SEMA5A: variants seen among roughly 807,000 people sequenced by gnomAD.
SEMA5A encodes the protein semaphorin-5A.
SEMA5A carries 55 observed loss-of-function variants against 135.5 expected under a neutral mutation model. The ratio of observed to expected loss-of-function variants is 0.41; its 90% CI spans 0.33 to 0.51. SEMA5A has a LOEUF of 0.51. Among genes scored for constraint, SEMA5A ranks in the 20% least tolerant of loss-of-function variants. SEMA5A has a pLI of 0.37. For missense variants in SEMA5A, 1,290 were observed against 1,419.9 expected (o/e 0.91, Z 1.47); for synonymous variants, 580 against 546.5 (o/e 1.06, Z -0.85).
chr5:9,514,269 C>A (rs1273192230), intron 1 of SEMA5A, among the ~76,000 whole-genome samples: 2 of 152,164 alleles, frequency 1.3e-5, no homozygotes, highest in African/African-American at 2.4e-5. Flanking sequence ...ATGGACAATG[C>A]AGAATAATCT....
rs114855794 is a variant in SEMA5A, at chr5:9,150,350, A to G, written c.1481+4138T>C. Among the ~76,000 whole-genome samples, 330 of 152,332 alleles carry G rather than the reference A, an allele frequency of 2.2e-3. 1 individual carries two copies. Among genetic ancestry groups the G allele is most frequent in the African/African-American group, 7.6e-3 (316 of 41,566 alleles). On this transcript the variant is annotated intron_variant, in intron 12 of 22. Transcript: ENST00000382496. ...ATGTGGTCAATAAGGCCTAAAATGA[A>G]AAAGGATATGCATGAATAGTGCAGT...
At chr5:9,214,400 G>A (rs1391693337) in intron 8 of SEMA5A, among the ~76,000 whole-genome samples, 1 of 152,222 alleles carries the variant, frequency 6.6e-6, no homozygotes, top group Non-Finnish European at 1.5e-5. Context: ...CAGAGGATCA[G>A]GGGGAAGGGA....
At chr5:9,319,153 G>A (rs1339272957) in intron 4 of SEMA5A, among the ~76,000 whole-genome samples, 1 of 152,150 alleles carries the variant, frequency 6.6e-6, no homozygotes, top group Non-Finnish European at 1.5e-5. Context: ...GCAGTAAGCT[G>A]TGATCACACC....
chr5:9,181,526 C>T (rs530695827), intron 11 of SEMA5A, among the ~76,000 whole-genome samples: 2 of 152,260 alleles, frequency 1.3e-5, no homozygotes, highest in Admixed American at 6.5e-5. Context: ...CACACAGTCA[C>T]GCCTCCTTCC....
At chr5:9,154,058 A>T (rs866853812) in intron 12 of SEMA5A, among the ~76,000 whole-genome samples, 2 of 51,584 alleles carry the variant, frequency 3.9e-5, no homozygotes, top group Non-Finnish European at 5.2e-5. Flanking sequence ...AAAAAAAAAA[A>T]AAAAATATAT....
chr5:9,443,043 G>T (rs1264178717), intron 1 of SEMA5A, among the ~76,000 whole-genome samples: 1 of 152,160 alleles, frequency 6.6e-6, no homozygotes, highest in African/African-American at 2.4e-5. Context: ...ATAATGAAAC[G>T]CCATTCACTC....
At chr5:9,396,937 G>T (rs1036093997) in intron 2 of SEMA5A, among the ~76,000 whole-genome samples, 2 of 151,918 alleles carry the variant, frequency 1.3e-5, no homozygotes, top group Non-Finnish European at 2.9e-5. Context: ...TGTCAGCAAA[G>T]ATTTACACTG....
intron 2 of SEMA5A, among the ~76,000 whole-genome samples, chr5:9,401,230 G>A (rs1579480753): frequency 6.6e-6 from 1 of 152,284 alleles, no homozygotes; most frequent in East Asian, 1.9e-4. Context: ...TGGATGAGCA[G>A]TATCCATAAA....
intron 1 of SEMA5A, among the ~76,000 whole-genome samples, chr5:9,453,728 C>T (rs1758731412): frequency 6.6e-6 from 1 of 152,144 alleles, no homozygotes; most frequent in Admixed American, 6.5e-5. Flanking sequence ...AGCAGTGGTT[C>T]AGGATTTGCT....
chr5:9,201,328 A>G (rs539423893), intron 9 of SEMA5A, among the ~76,000 whole-genome samples: 49 of 152,352 alleles, frequency 3.2e-4, no homozygotes, highest in Non-Finnish European at 5.7e-4. Context: ...TAAGCTTAAG[A>G]CAGCCGAAAT....
In SEMA5A at chr5:9,301,491, A is replaced by C. The variant is rs950171235; in HGVS notation, c.270+16881T>G. Among the ~76,000 whole-genome samples, 9 of 152,298 alleles carry C rather than the reference A, an allele frequency of 5.9e-5. No homozygotes were observed. The East Asian group carries it at 1.7e-3, about 29-fold the overall frequency. On this transcript the variant is annotated intron_variant, in intron 5 of 22. Coordinates refer to ENST00000382496, the MANE Select transcript of SEMA5A (RefSeq NM_003966.3). ...ATTCAAGCATAAACTCAGGGAGTCAAAGTATGCTGTAAGAATTCCATGGTT... is the reference window on the plus strand; with the variant it reads ...ATTCAAGCATAAACTCAGGGAGTCACAGTATGCTGTAAGAATTCCATGGTT...
At chr5:9,078,009 T>G (rs973900779) in intron 16 of SEMA5A, among the ~76,000 whole-genome samples, 1 of 152,232 alleles carries the variant, frequency 6.6e-6, no homozygotes, top group Non-Finnish European at 1.5e-5. Context: ...ACTGGAAATC[T>G]TTATTACAGA....
At chr5:9,173,170 C>T (rs1327547088) in intron 11 of SEMA5A, among the ~76,000 whole-genome samples, 2 of 151,970 alleles carry the variant, frequency 1.3e-5, no homozygotes, top group African/African-American at 2.4e-5. Flanking sequence ...GAGGAATGCA[C>T]ACAGGGACAG....
intron 4 of SEMA5A, among the ~76,000 whole-genome samples, chr5:9,324,889 A>C (rs1752800458): frequency 6.6e-6 from 1 of 152,226 alleles, no homozygotes; most frequent in African/African-American, 2.4e-5. Flanking sequence ...GGCCAACTGG[A>C]AATGCTAACC....
chr5:9,404,222 C>G (rs1756786947), intron 2 of SEMA5A, among the ~76,000 whole-genome samples: 1 of 152,160 alleles, frequency 6.6e-6, no homozygotes, highest in African/African-American at 2.4e-5. Flanking sequence ...GCGTGAGCCA[C>G]CATGCCTGGC....
At chr5:9,284,386 A>AT (rs1267406565) in intron 5 of SEMA5A, among the ~76,000 whole-genome samples, 1 of 152,240 alleles carries the variant, frequency 6.6e-6, no homozygotes, top group Admixed American at 6.5e-5. Context: ...CTTCAGTTTC[A>AT]TAATGTAAAC....
chr5:9,395,490 C>G (rs1756350616), intron 2 of SEMA5A, among the ~76,000 whole-genome samples: 1 of 152,088 alleles, frequency 6.6e-6, no homozygotes, highest in South Asian at 2.1e-4. Flanking sequence ...ACTCAGTTTA[C>G]CTGGAGGGAA....
intron 2 of SEMA5A, among the ~76,000 whole-genome samples, chr5:9,384,571 CATAGATAGATAGATAG>C (rs1170217920): frequency 0.041 from 3,306 of 80,448 alleles, 164 homozygotes; most frequent in Non-Finnish European, 0.056. Flanking sequence ...TAGATAGATA[CATAGATAGATAGATAG>C]ATAGATAGAT....
At position 9,118,994 on chromosome 5, in the gene SEMA5A, G is replaced by T. The variant is rs41283165; in HGVS notation, c.1925+4C>A. 3.7e-6 allele frequency: 6 copies of T among 1,612,448 alleles called. No homozygotes were observed. Among genetic ancestry groups the T allele is most frequent in the Non-Finnish European group, 4.2e-6 (5 of 1,179,402 alleles). On this transcript the variant is annotated splice_donor_region_variant and intron_variant, in intron 15 of 22. Coordinates refer to ENST00000382496, the MANE Select transcript of SEMA5A (RefSeq NM_003966.3). ...GCGGTGCTGGCAGCAGGGTGGGCAC[G>T]TACCTTTCCTCGCGGTTCTGTCCCA... is the stretch of plus-strand genomic sequence containing the variant.
Sources: allele counts gnomAD v4.1 joint callset (sites outside exome capture counted in the v4.1 genomes callset), GRCh38; gene constraint gnomAD v4.1.1; transcripts MANE v1.5; gene names NCBI Gene and HGNC (gene_info 2026-07-23, HGNC 2026-07-21).